SH3GL2: variants seen among roughly 807,000 people sequenced by gnomAD.
The protein encoded by SH3GL2 is endophilin-A1.
Under a neutral mutation model 46.0 loss-of-function variants are expected in SH3GL2, and 24 were observed. The observed-to-expected ratio is 0.52, with a 90% confidence interval of 0.38 to 0.73. SH3GL2 has a LOEUF of 0.73. Among genes scored for constraint, SH3GL2 ranks in the 30% least tolerant of loss-of-function variants. The probability of loss-of-function intolerance (pLI) is 0.00; values close to 1 mark genes in which losing one functional copy is unlikely to be tolerated. For missense variants in SH3GL2, 413 were observed against 424.2 expected (o/e 0.97, Z 0.23); for synonymous variants, 196 against 147.1 (o/e 1.33, Z -2.40).
intron 1 of SH3GL2, among the ~76,000 whole-genome samples, chr9:17,670,505 C>T (rs2117957936): frequency 6.6e-6 from 1 of 152,278 alleles, no homozygotes; most frequent in South Asian, 2.1e-4. Context: ...GGGCCAATAG[C>T]TCCTAATAGC....
intron 2 of SH3GL2, among the ~76,000 whole-genome samples, chr9:17,758,675 A>G (rs9407837): frequency 2.0e-5 from 3 of 151,706 alleles, no homozygotes; most frequent in South Asian, 4.2e-4. Flanking sequence ...TAATGAAATA[A>G]AAATGTAACT....
At chr9:17,738,641 T>TATATATATAGAG (rs376280314) in intron 1 of SH3GL2, among the ~76,000 whole-genome samples, 1,936 of 88,766 alleles carry the variant, frequency 0.022, 70 homozygotes, top group Middle Eastern at 0.037. Context: ...TATATATATA[T>TATATATATAGAG]AGAGAGAGAG....
chr9:17,793,931 A>T (rs907116748), intron 8 of SH3GL2, among the ~76,000 whole-genome samples: 1 of 152,258 alleles, frequency 6.6e-6, no homozygotes, highest in African/African-American at 2.4e-5. Flanking sequence ...ACCCACAGAC[A>T]GCAAGCGGCT....
At chr9:17,606,689 C>G (rs533346126) in intron 1 of SH3GL2, among the ~76,000 whole-genome samples, 16 of 152,280 alleles carry the variant, frequency 1.1e-4, no homozygotes, top group African/African-American at 3.8e-4. Flanking sequence ...CTTTAACTAC[C>G]TGAGCTGCCT....
chr9:17,633,223 G>A (rs1819472861), intron 1 of SH3GL2, among the ~76,000 whole-genome samples: 1 of 152,200 alleles, frequency 6.6e-6, no homozygotes, highest in Non-Finnish European at 1.5e-5. Flanking sequence ...GGGAATGCCA[G>A]TAGAATGAGA....
intron 1 of SH3GL2, among the ~76,000 whole-genome samples, chr9:17,665,124 C>T (rs1820311949): frequency 6.6e-6 from 1 of 152,108 alleles, no homozygotes; most frequent in South Asian, 2.1e-4. Flanking sequence ...TATTTTTTCT[C>T]TGAACCGTTT....
At chr9:17,609,918 C>T (rs1818828914) in intron 1 of SH3GL2, among the ~76,000 whole-genome samples, 1 of 152,198 alleles carries the variant, frequency 6.6e-6, no homozygotes, top group Non-Finnish European at 1.5e-5. Context: ...CCCTAGAGAG[C>T]TCCAGACACA....
At chr9:17,681,245 CAAT>C (rs1588233594) in intron 1 of SH3GL2, among the ~76,000 whole-genome samples, 2 of 152,100 alleles carry the variant, frequency 1.3e-5, no homozygotes, top group African/African-American at 4.8e-5. Flanking sequence ...GGCAAAACAA[CAAT>C]AACAACAACA....
At position 17,791,342 on chromosome 9, in the gene SH3GL2, A is replaced by C; in HGVS notation, c.728+8A>C. On this transcript the variant is annotated splice_region_variant and intron_variant, in intron 7 of 8. Transcript: ENST00000380607. ...GGTCAGACTGGAAGAAAGGTATTCT[A>C]CAGTTCCCTGCATTTCACATTTGCA... 6.5e-7 allele frequency: 1 copy of C among 1,549,868 alleles called. No homozygotes were observed. The highest frequency in any genetic ancestry group is 8.9e-7 in the Non-Finnish European group (1 of 1,121,496).
chr9:17,713,781 A>G (rs901957978), intron 1 of SH3GL2, among the ~76,000 whole-genome samples: 9 of 151,694 alleles, frequency 5.9e-5, no homozygotes, highest in African/African-American at 1.9e-4. Context: ...TGTATTGAGA[A>G]TTATTTTATG....
intron 2 of SH3GL2, among the ~76,000 whole-genome samples, chr9:17,757,668 A>T (rs1823038123): frequency 6.6e-6 from 1 of 152,208 alleles, no homozygotes; most frequent in African/African-American, 2.4e-5. Context: ...TTGGACATTG[A>T]GAAAAATAAC....
At chr9:17,594,943 A>G (rs1311639983) in intron 1 of SH3GL2, among the ~76,000 whole-genome samples, 1 of 152,218 alleles carries the variant, frequency 6.6e-6, no homozygotes, top group Non-Finnish European at 1.5e-5. Context: ...ACCGATTTCT[A>G]AAAGTTAATG....
intron 1 of SH3GL2, among the ~76,000 whole-genome samples, chr9:17,608,544 ATACT>A (rs2134576154): frequency 6.6e-6 from 1 of 152,284 alleles, no homozygotes; most frequent in East Asian, 1.9e-4. Flanking sequence ...TTGTTGACTC[ATACT>A]TCTCCAGTGA....
At chr9:17,644,158 TTC>T (rs554141926) in intron 1 of SH3GL2, among the ~76,000 whole-genome samples, 44 of 152,336 alleles carry the variant, frequency 2.9e-4, no homozygotes, top group African/African-American at 9.9e-4. Context: ...TAGTTTATAT[TTC>T]TGTGGGGTCA....
chr9:17,776,084 G>A (rs1159107349), intron 3 of SH3GL2, among the ~76,000 whole-genome samples: 3 of 152,084 alleles, frequency 2.0e-5, no homozygotes, highest in Non-Finnish European at 4.4e-5. Context: ...AAAATAGGGT[G>A]CGGAGGGCAG....
intron 1 of SH3GL2, among the ~76,000 whole-genome samples, chr9:17,662,945 G>A (rs188464486): frequency 1.3e-5 from 2 of 152,032 alleles, no homozygotes; most frequent in African/African-American, 2.4e-5. Flanking sequence ...TCCTGACCTC[G>A]TGATCTGCCC....
intron 1 of SH3GL2, among the ~76,000 whole-genome samples, chr9:17,740,987 C>CAGGGAAATTAAGAGGTAAATAAA: frequency 6.6e-6 from 1 of 151,970 alleles, no homozygotes; most frequent in East Asian, 1.9e-4. Flanking sequence ...GACTCTAAAT[C>CAGGGAAATTAAGAGGTAAATAAA]CAATTTTTAA....
At chr9:17,753,861 G>T (rs1221347013) in intron 2 of SH3GL2, among the ~76,000 whole-genome samples, 2 of 152,166 alleles carry the variant, frequency 1.3e-5, no homozygotes, top group Non-Finnish European at 2.9e-5. Flanking sequence ...TGTATATGGT[G>T]TAAGGAAGGG....
At chr9:17,684,751 A>C (rs560345115) in intron 1 of SH3GL2, among the ~76,000 whole-genome samples, 12 of 152,286 alleles carry the variant, frequency 7.9e-5, no homozygotes, top group Middle Eastern at 3.4e-3. Context: ...AGATGAGTCA[A>C]AGCAGACTTC....
Sources: gnomAD v4.1 joint callset for allele counts (sites outside exome capture counted in the v4.1 genomes callset) on GRCh38, gnomAD v4.1.1 for gene constraint, MANE v1.5 for transcripts, NCBI Gene and HGNC (gene_info 2026-07-23, HGNC 2026-07-21) for gene names.